Variants in PLAG1 observed in about 807,000 individuals in gnomAD.
PLAG1 encodes the protein PLAG1 zinc finger.
Under a neutral mutation model 35.5 loss-of-function variants are expected in PLAG1, and 7 were observed. That is an observed-to-expected ratio of 0.20 (90% confidence interval 0.11 to 0.37). The LOEUF (loss-of-function observed/expected upper bound fraction) is 0.37. PLAG1 is among the 10% of genes least tolerant of loss of function. The pLI is 1.00. For missense variants in PLAG1, 454 were observed against 602.8 expected (o/e 0.75, Z 2.58); for synonymous variants, 229 against 225.4 (o/e 1.02, Z -0.14).
intron 1 of PLAG1, among the ~76,000 whole-genome samples, chr8:56,191,126 C>T (rs562718037): frequency 6.6e-6 from 1 of 152,272 alleles, no homozygotes; most frequent in Non-Finnish European, 1.5e-5. Context: ...CTGCTTTACA[C>T]GCGCTGCTTT....
At chr8:56,168,536 C>T (rs753674546) in intron 3 of PLAG1, 150 bp from the exon 4 acceptor site, 69 of 282,648 alleles carry the variant, frequency 2.4e-4, no homozygotes, top group Non-Finnish European at 4.4e-4. Context: ...ATTAGAAACC[C>T]CATAGGTTTC....
At chr8:56,189,049 T>C (rs1010022489) in intron 1 of PLAG1, among the ~76,000 whole-genome samples, 1 of 152,182 alleles carries the variant, frequency 6.6e-6, no homozygotes, top group Non-Finnish European at 1.5e-5. Flanking sequence ...ATCCTGCCTT[T>C]TACTGACCAG....
chr8:56,166,946 A>G lies in PLAG1; in HGVS notation c.800T>C (p.Leu267Pro). 1.2e-6 allele frequency: 2 copies of G among 1,614,058 alleles called. No homozygotes were observed. The highest frequency in any genetic ancestry group is 8.5e-7 in the Non-Finnish European group (1 of 1,179,940). The change falls in exon 5 of 5, where the codon CTT (leucine) becomes CCT (proline). Residue 267 changes from leucine (L) to proline (P), a missense_variant. Physicochemically the swap from Leu to Pro is moderately conservative, Grantham distance 98. Transcript: ENST00000316981. The stretch of plus-strand genomic sequence containing the variant: ...ACTGGAAGGTAAGGACATCACCGGA[A>G]GGAGCTCGTCTTTTATAGGCACAGA... ...NVSVPIKDEL[L>P]PVMSLPSSEL...
At chr8:56,184,413 AAC>A (rs950834848) in intron 1 of PLAG1, among the ~76,000 whole-genome samples, 10 of 152,216 alleles carry the variant, frequency 6.6e-5, no homozygotes, top group African/African-American at 2.4e-4. Flanking sequence ...TGTTTTGAAA[AAC>A]AGTTTGGCAA....
chr8:56,191,397 TG>T (rs1812179556), intron 1 of PLAG1, among the ~76,000 whole-genome samples: 1 of 152,128 alleles, frequency 6.6e-6, no homozygotes, highest in Non-Finnish European at 1.5e-5. Context: ...GACGCGAGCC[TG>T]TGGTCAGCAA....
At chr8:56,208,110 G>T (rs572968336) in intron 1 of PLAG1, among the ~76,000 whole-genome samples, 1 of 152,130 alleles carries the variant, frequency 6.6e-6, no homozygotes, top group South Asian at 2.1e-4. Flanking sequence ...ATTAGTATCT[G>T]GTTTGTCAAA....
At chr8:56,187,900 A>G (rs1447728417) in intron 1 of PLAG1, among the ~76,000 whole-genome samples, 1 of 152,232 alleles carries the variant, frequency 6.6e-6, no homozygotes. Context: ...AGTAAAACTG[A>G]TCCACCGGAA....
intron 1 of PLAG1, among the ~76,000 whole-genome samples, chr8:56,184,527 C>T (rs1811963459): frequency 6.6e-6 from 1 of 152,220 alleles, no homozygotes; most frequent in African/African-American, 2.4e-5. Context: ...AAGACTTGTT[C>T]ATGACTATTC....
Position 56,161,298 on chromosome 8 carries a change from G to A in PLAG1, c.*4945C>T. 1 of 208,426 alleles carries A rather than the reference G, an allele frequency of 4.8e-6. No individual in the cohort carries two copies. The highest frequency in any genetic ancestry group is 1.9e-4 in the South Asian group (1 of 5,296). The allele number at this position is 208,426 out of a possible 1,614,324, so 12.9% of individuals were successfully genotyped here. ...ATGCAATAAAAATATACAAAATTCG[G>A]CCTGGAATGCAGATTTTTTTCTTTT... is the stretch of plus-strand genomic sequence containing the variant. On this transcript the variant is annotated 3_prime_UTR_variant, in exon 5 of 5. Coordinates refer to ENST00000316981, the MANE Select transcript of PLAG1 (RefSeq NM_002655.3).
chr8:56,167,167 C>A lies in PLAG1; in HGVS notation c.579G>T (p.Arg193=), dbSNP rs747466241. ...TCCGGACATCCTTTCGGGTGTAGAA[C>A]CGGCGATCACAATGTTCGCACTGGT... ...KKHQCEHCDR[R]FYTRKDVRRH... is the part of the protein sequence containing the mutation. The change falls in exon 5 of 5, where the codon CGG becomes CGT. Residue 193 remains arginine, a synonymous_variant. Coordinates refer to ENST00000316981, the MANE Select transcript of PLAG1 (RefSeq NM_002655.3). This position sits in a 1 kb window ranked among gnomAD's most constrained non-coding sequence, Gnocchi z 5.9. 1 of 1,613,910 alleles carries A rather than the reference C, an allele frequency of 6.2e-7. No individual in the cohort carries two copies. Among genetic ancestry groups the A allele is most frequent in the Non-Finnish European group, 8.5e-7 (1 of 1,179,958 alleles).
chr8:56,177,785 T>C (rs942147041), intron 2 of PLAG1, among the ~76,000 whole-genome samples: 1 of 152,152 alleles, frequency 6.6e-6, no homozygotes, highest in African/African-American at 2.4e-5. Flanking sequence ...AAATTGGTTA[T>C]AAAGCAAGCT....
At position 56,163,364 on chromosome 8, in the gene PLAG1, G is replaced by A. The variant is rs754869334; in HGVS notation, c.*2879C>T. 8.7e-5 allele frequency: 17 copies of A among 196,128 alleles called. No individual in the cohort carries two copies. The highest frequency in any genetic ancestry group is 1.6e-4 in the Non-Finnish European group (15 of 94,492). The allele number at this position is 196,128 out of a possible 1,614,324, so 12.1% of individuals were successfully genotyped here. ...CATAGAAACAAACAATCTTTTTCTAGGGAAAAAAAAGCCAATTCTGTGTTA... is the reference window on the plus strand; with the variant it reads ...CATAGAAACAAACAATCTTTTTCTAAGGAAAAAAAAGCCAATTCTGTGTTA... On this transcript the variant is annotated 3_prime_UTR_variant, in exon 5 of 5. Coordinates refer to ENST00000316981, the MANE Select transcript of PLAG1 (RefSeq NM_002655.3).
intron 1 of PLAG1, among the ~76,000 whole-genome samples, chr8:56,194,278 C>T (rs2129232014): frequency 7.0e-6 from 1 of 142,828 alleles, no homozygotes; most frequent in South Asian, 2.2e-4. Flanking sequence ...GATCATGCAA[C>T]TGCACTGCAG....
intron 1 of PLAG1, among the ~76,000 whole-genome samples, chr8:56,203,170 C>T (rs565491471): frequency 2.0e-4 from 31 of 151,892 alleles, no homozygotes; most frequent in Non-Finnish European, 3.5e-4. Flanking sequence ...TGCTTAGGAA[C>T]GTCTACAGAA....
intron 1 of PLAG1, among the ~76,000 whole-genome samples, chr8:56,184,908 C>T (rs1585799750): frequency 6.6e-6 from 1 of 152,248 alleles, no homozygotes; most frequent in Non-Finnish European, 1.5e-5. Context: ...GATCATGCCA[C>T]TGCACTCCAG....
chr8:56,209,448 C>T (rs1232227329), intron 1 of PLAG1: 2 of 152,290 alleles, frequency 1.3e-5, no homozygotes, highest in Non-Finnish European at 2.9e-5. Flanking sequence ...ACCACACCCT[C>T]CCAGCACCTC....
At chr8:56,174,952 G>A (rs1811642305) in intron 2 of PLAG1, among the ~76,000 whole-genome samples, 1 of 152,122 alleles carries the variant, frequency 6.6e-6, no homozygotes, top group African/African-American at 2.4e-5. Flanking sequence ...TTTTATATCA[G>A]GTACTTGAGC....
chr8:56,190,392 A>T (rs1812147844), intron 1 of PLAG1, among the ~76,000 whole-genome samples: 2 of 152,226 alleles, frequency 1.3e-5, no homozygotes. Context: ...AAGGTCACAG[A>T]AGCCAAGGGA....
Position 56,196,987 on chromosome 8 carries a change from T to TGTGTGTGTGTGTGC in PLAG1, c.-322+14133_-322+14134insGCACACACACACAC, listed in dbSNP as rs1227336889. Among the ~76,000 whole-genome samples the TGTGTGTGTGTGTGC allele has an allele frequency of 1.4e-3, 216 of 149,538 alleles. 1 individual carries two copies. Among genetic ancestry groups the TGTGTGTGTGTGTGC allele is most frequent in the Non-Finnish European group, 2.5e-3 (165 of 66,944 alleles). On this transcript the variant is annotated intron_variant, in intron 1 of 4. Coordinates refer to ENST00000316981, the MANE Select transcript of PLAG1 (RefSeq NM_002655.3). ...GTGTGTGTGTGTGTGTGTGTGTGTG[T>TGTGTGTGTGTGTGC]GCTCCTCTCTCCCCTCCAGGGCTGT...
Sources: allele counts gnomAD v4.1 joint callset (sites outside exome capture counted in the v4.1 genomes callset), GRCh38; gene constraint gnomAD v4.1.1; non-coding constraint Gnocchi (gnomAD v3.1); transcripts MANE v1.5; gene names NCBI Gene and HGNC (gene_info 2026-07-23, HGNC 2026-07-21).